Variants in DPH6 observed in about 807,000 individuals in gnomAD.
The protein encoded by DPH6 is diphthamine biosynthesis 6.
Under a neutral mutation model 38.2 loss-of-function variants are expected in DPH6, and 33 were observed. The observed-to-expected ratio is 0.86, with a 90% confidence interval of 0.65 to 1.15. DPH6 has a LOEUF of 1.15. Ranked by LOEUF, DPH6 falls within the 50% of genes most tolerant of loss-of-function variation. The probability of loss-of-function intolerance (pLI) is 0.00; values close to 1 mark genes in which losing one functional copy is unlikely to be tolerated. For synonymous variants in DPH6, 108 were observed against 103.0 expected (o/e 1.05, Z -0.30); for missense variants, 325 against 320.0 (o/e 1.02, Z -0.12).
rs1367374523 is a variant in DPH6 at position 35,385,421 on chromosome 15, G to T, written c.568-3505C>A. 3.3e-5 allele frequency among the ~76,000 whole-genome samples: 5 copies of T among 152,178 alleles called. No individual in the cohort carries two copies. The East Asian group carries it at 9.6e-4, about 29-fold the overall frequency. ...AGAAAATGTGGCACATATACAGCAT[G>T]GAGTACTATGTAGCCATAAAAAAGG... is the stretch of plus-strand genomic sequence containing the variant. On this transcript the variant is annotated intron_variant, in intron 6 of 8. Coordinates refer to ENST00000256538, the MANE Select transcript of DPH6 (RefSeq NM_080650.4).
At chr15:35,237,370 G>C in intron 3 of DPH6, 1 of 1,600,454 alleles carries the variant, frequency 6.2e-7, no homozygotes. Flanking sequence ...GGAACAGGAC[G>C]CCCTCTGATG....
At chr15:35,383,988 A>T (rs373080945) in intron 6 of DPH6, among the ~76,000 whole-genome samples, 17 of 152,358 alleles carry the variant, frequency 1.1e-4, no homozygotes, top group African/African-American at 4.1e-4. Flanking sequence ...TATGTGAAGC[A>T]TCCAGATGTG....
intron 3 of DPH6, among the ~76,000 whole-genome samples, chr15:35,292,373 T>C (rs187495917): frequency 4.6e-5 from 7 of 152,304 alleles, no homozygotes; most frequent in Admixed American, 3.9e-4. Flanking sequence ...GATCTACTCT[T>C]GGTTACTCTG....
chr15:35,190,530 T>C, the DPH6 span, among the ~76,000 whole-genome samples: 42 of 152,182 alleles, frequency 2.8e-4, no homozygotes, highest in Non-Finnish European at 4.9e-4. Flanking sequence ...TGCTGGTGCA[T>C]TGGAACGCAG....
intron 3 of DPH6, among the ~76,000 whole-genome samples, chr15:35,511,901 C>G (rs1055388836): frequency 2.0e-5 from 3 of 151,892 alleles, no homozygotes; most frequent in Non-Finnish European, 2.9e-5. Context: ...TTATTTTATT[C>G]TTACAAATGA....
chr15:35,426,925 A>C (rs1341323970), intron 5 of DPH6, among the ~76,000 whole-genome samples: 1 of 151,292 alleles, frequency 6.6e-6, no homozygotes. Flanking sequence ...CACGTTGAAA[A>C]TATCTAAAAC....
chr15:35,359,874 T>A lies in DPH6; in HGVS notation n.207+13647A>T, dbSNP rs369054828. On this transcript the variant is annotated intron_variant and non_coding_transcript_variant, in intron 3 of 3. Transcript: ENST00000558973. Reference sequence around the variant, plus strand: ...GGTTGTTTTTTTAAGGTTTCTATATTTTTTTCAAAATTAAACTTCCCATTT... The same window carrying A: ...GGTTGTTTTTTTAAGGTTTCTATATATTTTTCAAAATTAAACTTCCCATTT... Among the ~76,000 whole-genome samples, 22 of 152,268 alleles carry A rather than the reference T, an allele frequency of 1.4e-4. 4 individuals are homozygous for A. The highest frequency in any genetic ancestry group is 7.7e-4 in the East Asian group (4 of 5,172).
chr15:35,177,593 AAAAAAAAATCATCATCATC>A, the DPH6 span, among the ~76,000 whole-genome samples: 1 of 139,672 alleles, frequency 7.2e-6, no homozygotes, highest in South Asian at 2.4e-4. Context: ...AAAAAAAAAA[AAAAAAAAATCATCATCATC>A]ATCATCATCA....
intron 3 of DPH6, among the ~76,000 whole-genome samples, chr15:35,352,008 C>T (rs2052516305): frequency 6.6e-6 from 1 of 152,112 alleles, no homozygotes; most frequent in South Asian, 2.1e-4. Context: ...CTGTGAGTCA[C>T]CTCACACAGC....
intron 3 of DPH6, chr15:35,298,161 T>C: frequency 2.4e-6 from 1 of 410,966 alleles, no homozygotes; most frequent in Non-Finnish European, 4.7e-6. Context: ...GCAACAGTCA[T>C]GGAGGCTGTG....
At chr15:35,522,202 C>T (rs758715977) in intron 3 of DPH6, 6 of 1,613,308 alleles carry the variant, frequency 3.7e-6, no homozygotes, top group Non-Finnish European at 5.1e-6. Context: ...CGCCTGGCTG[C>T]CCACTTTCAA....
Position 35,223,798 on chromosome 15 carries a change from T to C in DPH6, n.201-3216A>G, listed in dbSNP as rs997365409. ...TAATTAAAGTATATAGTTTATATTATAGTTTCACCCTTTGTGTTGAACTTT... is the reference window on the plus strand; with the variant it reads ...TAATTAAAGTATATAGTTTATATTACAGTTTCACCCTTTGTGTTGAACTTT... On this transcript the variant is annotated intron_variant and non_coding_transcript_variant, in intron 3 of 3. Transcript: ENST00000560386. 2.6e-5 allele frequency among the ~76,000 whole-genome samples: 4 copies of C among 152,126 alleles called. No homozygotes were observed. The East Asian group carries it at 5.8e-4, about 22-fold the overall frequency.
chr15:35,153,685 T>TGCAGAGTCC, the DPH6 span, among the ~76,000 whole-genome samples: 1 of 152,046 alleles, frequency 6.6e-6, no homozygotes, highest in Non-Finnish European at 1.5e-5. Context: ...GACAAAAATC[T>TGCAGAGTCC]GCAGAGTCCT....
intron 3 of DPH6, among the ~76,000 whole-genome samples, chr15:35,480,023 GTAGTGAAAACAT>G (rs1416042357): frequency 4.6e-5 from 7 of 151,358 alleles, no homozygotes; most frequent in Non-Finnish European, 1.0e-4. Flanking sequence ...ATCTTTCTGA[GTAGTGAAAACAT>G]TATGCTTTGT....
intron 6 of DPH6, chr15:35,401,127 G>A (rs2053213681): frequency 2.1e-6 from 2 of 941,344 alleles, no homozygotes; most frequent in Non-Finnish European, 1.7e-6. Flanking sequence ...ATGACTTTGT[G>A]GATAAGACTG....
intron 3 of DPH6, among the ~76,000 whole-genome samples, chr15:35,347,490 C>T (rs1202291673): frequency 1.3e-5 from 2 of 148,988 alleles, no homozygotes; most frequent in Non-Finnish European, 1.5e-5. Flanking sequence ...CTGAATAACA[C>T]TCCACTGTAT....
chr15:35,284,651 A>G lies in DPH6; in HGVS notation n.201-64069T>C, dbSNP rs145392980. The stretch of plus-strand genomic sequence containing the variant: ...AGCTTGGAAAAATGAATGAAAGAAG[A>G]AATACTTCCTTTCCCTACAGTCCTA... On this transcript the variant is annotated intron_variant and non_coding_transcript_variant, in intron 3 of 3. Transcript: ENST00000560386. Among the ~76,000 whole-genome samples the G allele has an allele frequency of 8.4e-3, 1,268 of 151,182 alleles. 22 individuals carry two copies. Among genetic ancestry groups the G allele is most frequent in the Admixed American group, 0.037 (556 of 15,164 alleles).
chr15:35,515,950 A>G (rs942344026), intron 3 of DPH6, among the ~76,000 whole-genome samples: 18 of 152,120 alleles, frequency 1.2e-4, no homozygotes, highest in Non-Finnish European at 2.5e-4. Context: ...TGCCCACAAA[A>G]CTTTCCTAGT....
At chr15:35,297,433 G>A (rs556675456) in intron 3 of DPH6, among the ~76,000 whole-genome samples, 1 of 151,450 alleles carries the variant, frequency 6.6e-6, no homozygotes, top group Non-Finnish European at 1.5e-5. Context: ...CAAATCCTGA[G>A]GCCAGTTCCT....
Sources: gnomAD v4.1 joint callset for allele counts (sites outside exome capture counted in the v4.1 genomes callset) on GRCh38, gnomAD v4.1.1 for gene constraint, MANE v1.5 for transcripts, NCBI Gene and HGNC (gene_info 2026-07-23, HGNC 2026-07-21) for gene names.